Variants in PPP4R3B observed in about 807,000 individuals in gnomAD.
The protein encoded by PPP4R3B is serine/threonine-protein phosphatase 4 regulatory subunit 3B.
A neutral mutation model predicts 95.4 loss-of-function variants in PPP4R3B; 52 were observed. The ratio of observed to expected loss-of-function variants is 0.54; its 90% CI spans 0.44 to 0.69. The LOEUF (loss-of-function observed/expected upper bound fraction) is 0.69, where lower values mean the gene tolerates loss of function less well. PPP4R3B is among the 30% of genes least tolerant of loss of function. The pLI is 0.00. For missense variants in PPP4R3B, 1,003 were observed against 1,005.9 expected (o/e 1.00, Z 0.04); for synonymous variants, 407 against 343.9 (o/e 1.18, Z -2.03).
chr2:55,604,297 A>T (rs1693080379), intron 2 of PPP4R3B, among the ~76,000 whole-genome samples: 1 of 152,162 alleles, frequency 6.6e-6, no homozygotes, highest in African/African-American at 2.4e-5. Context: ...AAAAATATTA[A>T]AACAGGCTAG....
rs1685000509 is a variant in PPP4R3B, at chr2:55,549,380, G to A, written c.*531C>T. ...CAACTACCTAAAAGGCTGAACTTTTGTTAAATCTTAAAGAAATGGTCCCAA... is the reference window on the plus strand; with the variant it reads ...CAACTACCTAAAAGGCTGAACTTTTATTAAATCTTAAAGAAATGGTCCCAA... On this transcript the variant is annotated 3_prime_UTR_variant, in exon 17 of 17. Transcript: ENST00000616407. 6.5e-6 allele frequency: 1 copy of A among 152,910 alleles called. No homozygotes were observed. Among genetic ancestry groups the A allele is most frequent in the Non-Finnish European group, 1.5e-5 (1 of 68,340 alleles). The allele number at this position is 152,910 out of a possible 1,614,324, so 9.5% of individuals were successfully genotyped here.
At chr2:55,604,224 T>A (rs779935264) in intron 2 of PPP4R3B, 148 bp from the exon 3 acceptor site, 41 of 473,914 alleles carry the variant, frequency 8.7e-5, no homozygotes, top group Admixed American at 2.5e-4. Context: ...GCATTATTAG[T>A]AATATATTGG....
At position 55,564,390 on chromosome 2, in the gene PPP4R3B, A is replaced by G. The variant is rs751807506; in HGVS notation, c.2183T>C (p.Val728Ala). The G allele has an allele frequency of 3.1e-6, 5 of 1,613,814 alleles. No homozygotes were observed. The East Asian group carries it at 8.9e-5, about 29-fold the overall frequency. Residue 728 changes from valine (V) to alanine (A), a missense_variant, in exon 15 of 17, where the codon GTT becomes GCT. Transcript: ENST00000616407. ...NEDEEEEGKAVVAPVEKPKPE... is the reference protein window; with the variant it reads ...NEDEEEEGKAAVAPVEKPKPE... The stretch of plus-strand genomic sequence containing the variant: ...CTTAGGTTTTTCCACTGGTGCCACA[A>G]CTGCTTTTCCTTCCTCTTCTTCATC...
At position 55,581,551 on chromosome 2, in the gene PPP4R3B, C is replaced by CA; in HGVS notation, c.1365+15dup. The CA allele has an allele frequency of 6.2e-7, 1 of 1,601,440 alleles. No individual in the cohort carries two copies. Among genetic ancestry groups the CA allele is most frequent in the South Asian group, 1.1e-5 (1 of 88,264 alleles). On this transcript the variant is annotated intron_variant, in intron 8 of 16. Transcript: ENST00000616407. ...TGACTAGGCCAAAACATTTTTATCT[C>CA]AGAGTAATTTCTTACATTAGTTGTA...
At chr2:55,557,826 TTCATA>T (rs1261771398) in intron 16 of PPP4R3B, among the ~76,000 whole-genome samples, 1 of 152,174 alleles carries the variant, frequency 6.6e-6, no homozygotes, top group Non-Finnish European at 1.5e-5. Context: ...AAAGGATGAT[TTCATA>T]TAACATATGA....
intron 1 of PPP4R3B, 118 bp from the exon 2 acceptor site, chr2:55,615,624 GGC>G: frequency 1.6e-6 from 1 of 620,602 alleles, no homozygotes. Flanking sequence ...CACTTTGGGA[GGC>G]GGGCAGATCA....
chr2:55,595,779 T>C (rs1447304606), intron 4 of PPP4R3B, among the ~76,000 whole-genome samples: 2 of 145,122 alleles, frequency 1.4e-5, no homozygotes, highest in East Asian at 2.0e-4. Context: ...GACATCAAAC[T>C]AGAAAAAGGA....
Position 55,617,437 on chromosome 2 carries a change from C to T in PPP4R3B, c.-152G>A, listed in dbSNP as rs919083868. The T allele has an allele frequency of 2.1e-6, 2 of 932,708 alleles. No individual in the cohort carries two copies. The highest frequency in any genetic ancestry group is 3.0e-6 in the Non-Finnish European group (2 of 676,350). The allele number at this position is 932,708 out of a possible 1,614,324, so 57.8% of individuals were successfully genotyped here. A position where few individuals can be genotyped will look rare whatever the true frequency, so the allele number is the denominator to read the frequency against. ...TTCACCATGGCTCCAAAGGTTCAGC[C>T]GCGAGAAGGGGTGACAAGAGCCACT... On this transcript the variant is annotated 5_prime_UTR_variant, in exon 1 of 17. Transcript: ENST00000616407.
chr2:55,615,496 G>T lies in PPP4R3B; in HGVS notation c.153C>A (p.Leu51=). 6.3e-7 allele frequency: 1 copy of T among 1,587,428 alleles called. No homozygotes were observed. The highest frequency in any genetic ancestry group is 8.6e-7 in the Non-Finnish European group (1 of 1,165,630). Residue 51 remains leucine, a synonymous_variant, in exon 2 of 17, where the codon CTC becomes CTA. Coordinates refer to ENST00000616407, the MANE Select transcript of PPP4R3B (RefSeq NM_001122964.3). ...TATTTGGATTTATCTTTGATTCCAA[G>T]AGTAGTGATCCTGAAAGATAAAAAA... is the stretch of plus-strand genomic sequence containing the variant. ...LVRAESDGSL[L]LESKINPNTA...
At chr2:55,593,511 G>A (rs1452834588) in intron 4 of PPP4R3B, among the ~76,000 whole-genome samples, 40 of 152,130 alleles carry the variant, frequency 2.6e-4, no homozygotes, top group Non-Finnish European at 1.0e-4. Flanking sequence ...CCACAGGTAA[G>A]TGTACTAGAT....
chr2:55,566,110 T>C lies in PPP4R3B; in HGVS notation c.1936-1069A>G, dbSNP rs73940209. On this transcript the variant is annotated intron_variant, in intron 13 of 16. Coordinates refer to ENST00000616407, the MANE Select transcript of PPP4R3B (RefSeq NM_001122964.3). ...AAAAATTAAAGTTGTGATTGAGGAC[T>C]TTACAGATAACACTACATAGTAAGA... Among the ~76,000 whole-genome samples, 315 of 152,282 alleles carry C rather than the reference T, an allele frequency of 2.1e-3. 2 individuals carry two copies. Among genetic ancestry groups the C allele is most frequent in the African/African-American group, 7.1e-3 (296 of 41,564 alleles).
At chr2:55,573,859 A>G (rs1160766600) in intron 11 of PPP4R3B, 82 bp from the exon 12 acceptor site, 6 of 818,420 alleles carry the variant, frequency 7.3e-6, no homozygotes, top group Non-Finnish European at 1.0e-5. Context: ...CCTATATGTT[A>G]TAACAAAATC....
chr2:55,581,517 A>T (rs1403862702), intron 8 of PPP4R3B, 50 bp downstream of exon 8: 3 of 1,573,176 alleles, frequency 1.9e-6, no homozygotes, highest in Non-Finnish European at 2.6e-6. Context: ...TTACAAAGCC[A>T]CCTAAAACTG....
intron 4 of PPP4R3B, among the ~76,000 whole-genome samples, chr2:55,597,604 C>G (rs369440905): frequency 1.4e-5 from 2 of 147,614 alleles, no homozygotes; most frequent in Non-Finnish European, 3.0e-5. Flanking sequence ...CCTGGGCGAC[C>G]GAGCAAGACT....
At chr2:55,604,795 G>GAC (rs3069140) in intron 2 of PPP4R3B, among the ~76,000 whole-genome samples, 20,279 of 149,826 alleles carry the variant, frequency 0.14, 2,669 homozygotes, top group African/African-American at 0.35. Flanking sequence ...ATAAAACATA[G>GAC]ACACACACAC....
intron 2 of PPP4R3B, among the ~76,000 whole-genome samples, chr2:55,610,397 T>TA (rs1470713711): frequency 6.6e-6 from 1 of 152,194 alleles, no homozygotes; most frequent in Non-Finnish European, 1.5e-5. Context: ...ACCTGTGTAT[T>TA]ATCATATTTG....
intron 12 of PPP4R3B, 41 bp downstream of exon 12, chr2:55,573,578 C>G (rs757934933): frequency 1.3e-6 from 2 of 1,500,200 alleles, no homozygotes; most frequent in East Asian, 2.5e-5. Context: ...TCAGTTTTAT[C>G]TCTATTAAAA....
intron 2 of PPP4R3B, chr2:55,614,639 G>A (rs891052397): frequency 6.6e-6 from 1 of 152,154 alleles, no homozygotes; most frequent in East Asian, 1.9e-4. Context: ...TACCTATGTA[G>A]GGGATGGAGA....
At chr2:55,572,520 TACC>T (rs1688141161) in intron 12 of PPP4R3B, among the ~76,000 whole-genome samples, 1 of 152,170 alleles carries the variant, frequency 6.6e-6, no homozygotes, top group Admixed American at 6.5e-5. Context: ...AACAATGAGA[TACC>T]ACATTTTTCA....
Sources: allele counts gnomAD v4.1 joint callset (sites outside exome capture counted in the v4.1 genomes callset), GRCh38; gene constraint gnomAD v4.1.1; transcripts MANE v1.5; gene names NCBI Gene and HGNC (gene_info 2026-07-23, HGNC 2026-07-21).